Variants in COTL1 observed in about 807,000 individuals in gnomAD.
The protein encoded by COTL1 is coactosin like F-actin binding protein 1, also known as coactosin-like protein.
A neutral mutation model predicts 16.5 loss-of-function variants in COTL1; 15 were observed. That is an observed-to-expected ratio of 0.91 (90% CI 0.61 to 1.40). The LOEUF (loss-of-function observed/expected upper bound fraction) is 1.40, where lower values mean the gene tolerates loss of function less well. Ranked by LOEUF, COTL1 falls within the 40% of genes most tolerant of loss-of-function variation. COTL1 has a pLI of 0.00. For synonymous variants in COTL1, 112 were observed against 85.3 expected, an observed-to-expected ratio of 1.31 and a Z score of -1.73; for missense variants, 220 against 201.5, an observed-to-expected ratio of 1.09 and a Z score of -0.56.
intron 3 of COTL1, among the ~76,000 whole-genome samples, chr16:84,584,688 G>A (rs61705969): frequency 5.9e-5 from 9 of 152,166 alleles, no homozygotes; most frequent in African/African-American, 1.9e-4. Flanking sequence ...CATTTCTTGC[G>A]TGAACTGTGC....
rs186257373 is a variant in COTL1 at position 84,597,155 on chromosome 16, G to A, written c.161-6893C>T. Among the ~76,000 whole-genome samples, 835 of 152,276 alleles carry A rather than the reference G, an allele frequency of 5.5e-3. 9 individuals carry two copies. The highest frequency in any genetic ancestry group is 0.019 in the African/African-American group (784 of 41,542). ...TCTGGGTTTCAGAGTGAGGCACTCC[G>A]AGGCACACAGTCACGGAGTCACTCC... On this transcript the variant is annotated intron_variant, in intron 2 of 3. Transcript: ENST00000262428.
At chr16:84,586,457 T>C (rs535379822) in intron 3 of COTL1, among the ~76,000 whole-genome samples, 1 of 152,174 alleles carries the variant, frequency 6.6e-6, no homozygotes, top group East Asian at 1.9e-4. Context: ...CCTTAGTGGG[T>C]ATGAGGTTTC....
In COTL1 at chr16:84,617,562, G is replaced by A. The variant is rs1290011943; in HGVS notation, c.99C>T (p.Gly33=). 5 of 1,557,716 alleles carry A rather than the reference G, an allele frequency of 3.2e-6. No individual in the cohort carries two copies. Among genetic ancestry groups the A allele is most frequent in the African/African-American group, 2.7e-5 (2 of 73,470 alleles). The change falls in exon 2 of 4, where the codon GGC becomes GGT. Residue 33 remains glycine, a synonymous_variant. Coordinates refer to ENST00000262428, the MANE Select transcript of COTL1 (RefSeq NM_021149.5). ...CCTGCTCGCCGGGGACGATGGTGGAGCCGTCATATTTAAAAGTCACCCTTT... is the reference window on the plus strand; with the variant it reads ...CCTGCTCGCCGGGGACGATGGTGGAACCGTCATATTTAAAAGTCACCCTTT... ...AVIWVTFKYD[G]STIVPGEQGA...
chr16:84,587,314 C>G (rs1476800486), intron 3 of COTL1, among the ~76,000 whole-genome samples: 1 of 152,180 alleles, frequency 6.6e-6, no homozygotes, highest in Admixed American at 6.5e-5. Context: ...TAGCACTGCT[C>G]AAAGCCAATC....
intron 2 of COTL1, among the ~76,000 whole-genome samples, chr16:84,610,350 G>C (rs1905295092): frequency 6.6e-6 from 1 of 152,178 alleles, no homozygotes. Flanking sequence ...TTCAGGCATG[G>C]CTGGATCCCA....
chr16:84,601,761 G>C (rs1288945561), intron 2 of COTL1, among the ~76,000 whole-genome samples: 1 of 152,120 alleles, frequency 6.6e-6, no homozygotes, highest in Non-Finnish European at 1.5e-5. Flanking sequence ...TCCTGATCAG[G>C]GTCTTGAAGG....
At chr16:84,581,394 G>C (rs950777898) in intron 3 of COTL1, among the ~76,000 whole-genome samples, 2 of 152,146 alleles carry the variant, frequency 1.3e-5, no homozygotes, top group Non-Finnish European at 2.9e-5. Flanking sequence ...AGTGCTAAGT[G>C]GTAACTCATG....
chr16:84,575,914 C>T (rs1293614822), intron 3 of COTL1: 3 of 152,222 alleles, frequency 2.0e-5, no homozygotes, highest in African/African-American at 7.2e-5. Flanking sequence ...ACACCTGGTA[C>T]AAAGCGGAGT....
intron 2 of COTL1, among the ~76,000 whole-genome samples, chr16:84,592,163 G>A (rs373568169): frequency 9.8e-5 from 15 of 152,344 alleles, no homozygotes; most frequent in East Asian, 5.8e-4. Context: ...GCTGTAAACC[G>A]TTGGTGTCCC....
intron 2 of COTL1, 131 bp downstream of exon 2, chr16:84,617,370 C>A (rs1905516973): frequency 1.3e-6 from 1 of 768,366 alleles, no homozygotes; most frequent in Admixed American, 2.4e-5. Flanking sequence ...ACACCGGGTT[C>A]CTCCCACGCC....
Position 84,590,310 on chromosome 16 carries a change from C to A in COTL1, c.161-48G>T, listed in dbSNP as rs757520613. On this transcript the variant is annotated intron_variant, in intron 2 of 3. Coordinates refer to ENST00000262428, the MANE Select transcript of COTL1 (RefSeq NM_021149.5). The surrounding 1 kb of genome is among the most constrained non-coding windows in gnomAD (Gnocchi z 5.5). ...AACATGGTGCTGCGTTAAAACACCCCCATGTCATGTCCCTGGGGAGAGGCT... is the reference window on the plus strand; with the variant it reads ...AACATGGTGCTGCGTTAAAACACCCACATGTCATGTCCCTGGGGAGAGGCT... 1.9e-6 allele frequency: 3 copies of A among 1,594,360 alleles called. No individual in the cohort carries two copies. In the African/African-American group the frequency reaches 4.0e-5, roughly 21 times the overall value.
At chr16:84,607,018 G>A (rs1905223730) in intron 2 of COTL1, among the ~76,000 whole-genome samples, 3 of 152,170 alleles carry the variant, frequency 2.0e-5, no homozygotes, top group African/African-American at 7.2e-5. Context: ...CCCACTCAAG[G>A]GAGCAACACA....
intron 2 of COTL1, among the ~76,000 whole-genome samples, chr16:84,604,661 G>C (rs556224831): frequency 5.5e-4 from 83 of 152,244 alleles, no homozygotes; most frequent in Non-Finnish European, 1.1e-3. Context: ...AATCCAGAGA[G>C]CTGCAGGGTG....
intron 2 of COTL1, among the ~76,000 whole-genome samples, chr16:84,613,178 T>A (rs879087508): frequency 2.0e-5 from 3 of 152,010 alleles, no homozygotes; most frequent in African/African-American, 7.2e-5. Context: ...TTTTGTATTT[T>A]TAGTAGAGAC....
chr16:84,567,829 A>G (rs565326607), intron 3 of COTL1: 1 of 152,198 alleles, frequency 6.6e-6, no homozygotes, highest in Non-Finnish European at 1.5e-5. Context: ...AGCCATGATG[A>G]TACACAGTTA....
chr16:84,594,427 T>G (rs1904947144), intron 2 of COTL1: 2 of 152,300 alleles, frequency 1.3e-5, no homozygotes, highest in African/African-American at 4.8e-5. Flanking sequence ...TGGTGCAGAC[T>G]TGGAGTGTGG....
At chr16:84,596,910 C>G (rs1421820815) in intron 2 of COTL1, 2 of 152,766 alleles carry the variant, frequency 1.3e-5, no homozygotes, top group African/African-American at 4.8e-5. Flanking sequence ...ACCTCGCACC[C>G]CTTACACACA....
rs1283079149 is a variant in COTL1, at chr16:84,566,653, A to C, written c.*192T>G. The C allele has an allele frequency of 7.6e-6, 4 of 528,418 alleles. No homozygotes were observed. The highest frequency in any genetic ancestry group is 1.9e-5 in the African/African-American group (1 of 52,040). The allele number at this position is 528,418 out of a possible 1,614,324, so 32.7% of individuals were successfully genotyped here. On this transcript the variant is annotated 3_prime_UTR_variant, in exon 4 of 4. Coordinates refer to ENST00000262428, the MANE Select transcript of COTL1 (RefSeq NM_021149.5). The stretch of plus-strand genomic sequence containing the variant: ...CAAAGAAAGAGGTTCCATGAGCGTC[A>C]TGAGATAGGACACGGCAGGGTTCTA...
At position 84,590,482 on chromosome 16, in the gene COTL1, GC is replaced by G; in HGVS notation, c.161-221del. 2.4e-6 allele frequency: 1 copy of G among 422,504 alleles called. No individual in the cohort carries two copies. Among genetic ancestry groups the G allele is most frequent in the Non-Finnish European group, 4.2e-6 (1 of 238,250 alleles). 26.2% of individuals were successfully genotyped at this position (422,504 alleles called of 1,614,324 possible). A position where few individuals can be genotyped will look rare whatever the true frequency, so the allele number is the denominator to read the frequency against. ...CTGGCAACAGTGCTGCAGGCTTCAT[GC>G]CCATTTCACAGATGGGAAATGGAGA... On this transcript the variant is annotated intron_variant, in intron 2 of 3. Coordinates refer to ENST00000262428, the MANE Select transcript of COTL1 (RefSeq NM_021149.5). The surrounding 1 kb of genome is among the most constrained non-coding windows in gnomAD (Gnocchi z 5.5).
Sources: gnomAD v4.1 joint callset for allele counts (sites outside exome capture counted in the v4.1 genomes callset) on GRCh38, gnomAD v4.1.1 for gene constraint, Gnocchi (gnomAD v3.1) non-coding constraint, MANE v1.5 for transcripts, NCBI Gene and HGNC (gene_info 2026-07-23, HGNC 2026-07-21) for gene names.